Variants in RGCC observed in about 807,000 individuals in gnomAD.
RGCC encodes the protein regulator of cell cycle.
A neutral mutation model predicts 15.4 loss-of-function variants in RGCC; 15 were observed. The observed-to-expected ratio is 0.97, with a 90% confidence interval of 0.65 to 1.50. The LOEUF (loss-of-function observed/expected upper bound fraction) is 1.50, where lower values mean the gene tolerates loss of function less well. Ranked by LOEUF, RGCC falls within the 40% of genes most tolerant of loss-of-function variation. The pLI is 0.00. For missense variants in RGCC, 176 were observed against 189.7 expected, an observed-to-expected ratio of 0.93 and a Z score of 0.42; for synonymous variants, 81 against 78.0, an observed-to-expected ratio of 1.04 and a Z score of -0.20.
chr13:41,464,002 G>C (rs2043835109), intron 2 of RGCC: 1 of 152,926 alleles, frequency 6.5e-6, no homozygotes, highest in African/African-American at 2.4e-5. Flanking sequence ...GGGCAGAAGA[G>C]AGCTGAAGTT....
At chr13:41,466,105 T>C (rs565021518) in intron 2 of RGCC, among the ~76,000 whole-genome samples, 1 of 150,828 alleles carries the variant, frequency 6.6e-6, no homozygotes, top group African/African-American at 2.4e-5. Context: ...CACACTCACA[T>C]GCTCTCACAC....
intron 2 of RGCC, among the ~76,000 whole-genome samples, chr13:41,465,060 ACT>A (rs2043840710): frequency 6.6e-6 from 1 of 152,156 alleles, no homozygotes; most frequent in African/African-American, 2.4e-5. Context: ...TCTTCCGAAA[ACT>A]CTGATACTTT....
Position 41,470,638 on chromosome 13 carries a change from G to T in RGCC, c.*153G>T, listed in dbSNP as rs747865033. ...CACTCTCAGGCTCACCTTAAAATCA[G>T]CCCTTGATCCCATTTCTGGGCAATT... On this transcript the variant is annotated 3_prime_UTR_variant, in exon 5 of 5. Transcript: ENST00000379359. 4.8e-5 allele frequency: 35 copies of T among 735,942 alleles called. No individual in the cohort carries two copies. Among genetic ancestry groups the T allele is most frequent in the Non-Finnish European group, 7.5e-5 (32 of 426,368 alleles). 45.6% of individuals were successfully genotyped at this position (735,942 alleles called of 1,614,324 possible).
At chr13:41,464,817 G>T (rs2043839510) in intron 2 of RGCC, among the ~76,000 whole-genome samples, 1 of 152,182 alleles carries the variant, frequency 6.6e-6, no homozygotes, top group Admixed American at 6.5e-5. Context: ...GGTCATTTCA[G>T]GTGAGCTGGG....
chr13:41,468,813 T>G lies in RGCC; in HGVS notation c.381T>G (p.Ile127Met). 1 of 1,607,872 alleles carries G rather than the reference T, an allele frequency of 6.2e-7. No homozygotes were observed. The highest frequency in any genetic ancestry group is 8.5e-7 in the Non-Finnish European group (1 of 1,179,348). The part of the protein sequence containing the change: ...LGDTKELEAF[I>M]ADLDKTLASM ...ACACAAAAGAGCTAGAAGCCTTCAT[T>G]GCTGATCTTGACAAAACTTTAGCAA... Residue 127 changes from isoleucine (I) to methionine (M), a missense_variant, in exon 4 of 5, where the codon ATT (isoleucine) becomes ATG (methionine). Transcript: ENST00000379359.
At position 41,457,864 on chromosome 13, in the gene RGCC, C is replaced by T; in HGVS notation, c.49+108C>T. The T allele has an allele frequency of 7.5e-7, 1 of 1,325,214 alleles. No homozygotes were observed. The highest frequency in any genetic ancestry group is 9.7e-7 in the Non-Finnish European group (1 of 1,031,566). The allele number at this position is 1,325,214 out of a possible 1,614,324, so 82.1% of individuals were successfully genotyped here. ...CACACCCCCCACCCTTCCATCCTCC[C>T]CGGCGGGAACCTGTCCCCGGTCTTC... is the stretch of plus-strand genomic sequence containing the variant. On this transcript the variant is annotated intron_variant, in intron 1 of 4. Coordinates refer to ENST00000379359, the MANE Select transcript of RGCC (RefSeq NM_014059.3). The surrounding 1 kb of genome is among the most constrained non-coding windows in gnomAD (Gnocchi z 4.9).
rs778247311 is a variant in RGCC at position 41,458,344 on chromosome 13, G to A, written c.109G>A (p.Ala37Thr). 6.3e-7 allele frequency: 1 copy of A among 1,590,402 alleles called. No individual in the cohort carries two copies. The highest frequency in any genetic ancestry group is 1.3e-5 in the African/African-American group (1 of 74,826). The part of the protein sequence containing the change: ...DLSDALCEFD[A>T]VLADFASPFH... The stretch of plus-strand genomic sequence containing the variant: ...GTCGGACGCGCTGTGCGAGTTTGAC[G>A]CGGTGCTGGCCGACTTCGCGTCGCC... The change falls in exon 2 of 5, where the codon GCG becomes ACG. Residue 37 changes from alanine to threonine, a missense_variant. Physicochemically the swap from Ala to Thr is moderately conservative, Grantham distance 58. Coordinates refer to ENST00000379359, the MANE Select transcript of RGCC (RefSeq NM_014059.3). This position sits in a 1 kb window ranked among gnomAD's most constrained non-coding sequence, Gnocchi z 4.4.
At chr13:41,459,732 T>C (rs1221615873) in intron 2 of RGCC, among the ~76,000 whole-genome samples, 1 of 152,248 alleles carries the variant, frequency 6.6e-6, no homozygotes, top group Non-Finnish European at 1.5e-5. Flanking sequence ...CATTTTCAAT[T>C]TCAAAGCAAA....
intron 2 of RGCC, 85 bp from the exon 3 acceptor site, chr13:41,466,738 T>G: frequency 1.1e-6 from 1 of 951,256 alleles, no homozygotes; most frequent in Non-Finnish European, 1.7e-6. Flanking sequence ...TGAAGACAAA[T>G]TGTTGGTTAT....
intron 4 of RGCC, among the ~76,000 whole-genome samples, chr13:41,469,264 GTAATAATAATAA>G (rs767884291): frequency 0.02 from 2,714 of 136,548 alleles, 48 homozygotes; most frequent in South Asian, 0.076. Flanking sequence ...CGTCAAAATA[GTAATAATAATAA>G]TAATAATAAT....
chr13:41,457,560 CG>C lies in RGCC; in HGVS notation c.-146del, dbSNP rs1307193932. On this transcript the variant is annotated 5_prime_UTR_variant, in exon 1 of 5. Transcript: ENST00000379359. The surrounding 1 kb of genome is among the most constrained non-coding windows in gnomAD (Gnocchi z 4.9). ...ACCCGAGCCGGTGGTAGGGCGGGCG[CG>C]GACCGTGCTGGGAGCGGCGCGGCTG... is the stretch of plus-strand genomic sequence containing the variant. 1 of 1,324,046 alleles carries C rather than the reference CG, an allele frequency of 7.6e-7. No homozygotes were observed. The allele number at this position is 1,324,046 out of a possible 1,614,324, so 82.0% of individuals were successfully genotyped here.
chr13:41,466,053 G>C (rs1206602948), intron 2 of RGCC, among the ~76,000 whole-genome samples: 1 of 150,992 alleles, frequency 6.6e-6, no homozygotes, highest in Non-Finnish European at 1.5e-5. Context: ...TGGTATACTT[G>C]ATTTGACACA....
Position 41,458,410 on chromosome 13 carries a change from C to T in RGCC, c.175C>T (p.Arg59Cys). 6.2e-7 allele frequency: 1 copy of T among 1,601,100 alleles called. No individual in the cohort carries two copies. Among genetic ancestry groups the T allele is most frequent in the Middle Eastern group, 1.7e-4 (1 of 6,044 alleles). Reference protein sequence around the residue: ...RHFHYEEHLERMKRRSSASVS... With the variant: ...RHFHYEEHLECMKRRSSASVS... Reference sequence around the variant, plus strand: ...CTTCCACTACGAGGAGCACCTGGAGCGCATGAAGCGGCGCAGCAGCGCCAG... The same window carrying T: ...CTTCCACTACGAGGAGCACCTGGAGTGCATGAAGCGGCGCAGCAGCGCCAG... The change falls in exon 2 of 5, where the codon CGC (arginine) becomes TGC (cysteine). Residue 59 changes from arginine to cysteine, a missense_variant. Transcript: ENST00000379359. This position sits in a 1 kb window ranked among gnomAD's most constrained non-coding sequence, Gnocchi z 4.4.
Position 41,458,668 on chromosome 13 carries a change from C to G in RGCC, c.235+198C>G, listed in dbSNP as rs1185112236. ...CTGGAGGGCAGGTTGGTTCACTTGC[C>G]GCCCACGGGTGTGTCACCAGGCAGG... On this transcript the variant is annotated intron_variant, in intron 2 of 4. Transcript: ENST00000379359. The surrounding 1 kb of genome is among the most constrained non-coding windows in gnomAD (Gnocchi z 4.4). 1.3e-5 allele frequency among the ~76,000 whole-genome samples: 2 copies of G among 152,220 alleles called. No individual in the cohort carries two copies. The highest frequency in any genetic ancestry group is 1.3e-4 in the Admixed American group (2 of 15,286).
At chr13:41,460,443 G>A (rs2043815556) in intron 2 of RGCC, among the ~76,000 whole-genome samples, 2 of 152,332 alleles carry the variant, frequency 1.3e-5, no homozygotes, top group South Asian at 4.1e-4. Flanking sequence ...ACCAGGATAA[G>A]GATAATAACA....
chr13:41,468,739 T>A, intron 3 of RGCC, 37 bp from the exon 4 acceptor site: 1 of 680,170 alleles, frequency 1.5e-6, no homozygotes, highest in Non-Finnish European at 2.0e-6. Context: ...GAAACTGAAC[T>A]CTCTCTCTCT....
At chr13:41,467,437 C>T (rs2043854372) in intron 3 of RGCC, among the ~76,000 whole-genome samples, 1 of 152,234 alleles carries the variant, frequency 6.6e-6, no homozygotes, top group Non-Finnish European at 1.5e-5. Context: ...CCTGTCTCTA[C>T]TGTGGTATTA....
chr13:41,470,583 C>T lies in RGCC; in HGVS notation c.*98C>T, dbSNP rs556883708. ...TACTAGAATCTGCTGCCAGAGGGGA[C>T]AAAGACGTGCACTCAACCTTCTACC... On this transcript the variant is annotated 3_prime_UTR_variant, in exon 5 of 5. Coordinates refer to ENST00000379359, the MANE Select transcript of RGCC (RefSeq NM_014059.3). 8.3e-7 allele frequency: 1 copy of T among 1,198,250 alleles called. No individual in the cohort carries two copies. The highest frequency in any genetic ancestry group is 1.2e-5 in the South Asian group (1 of 82,152). 74.2% of individuals were successfully genotyped at this position (1,198,250 alleles called of 1,614,324 possible).
chr13:41,465,191 G>A lies in RGCC; in HGVS notation c.236-1632G>A, dbSNP rs542196055. 2.0e-5 allele frequency among the ~76,000 whole-genome samples: 3 copies of A among 152,306 alleles called. No homozygotes were observed. In the East Asian group the frequency reaches 5.8e-4, roughly 29 times the overall value. On this transcript the variant is annotated intron_variant, in intron 2 of 4. Transcript: ENST00000379359. ...AGTTGGCTTAAAGTGGAAGAATCCCGAGGAGGCGGGGACCTGGTAAGGCCC... is the reference window on the plus strand; with the variant it reads ...AGTTGGCTTAAAGTGGAAGAATCCCAAGGAGGCGGGGACCTGGTAAGGCCC...
Sources: gnomAD v4.1 joint callset for allele counts (sites outside exome capture counted in the v4.1 genomes callset) on GRCh38, gnomAD v4.1.1 for gene constraint, Gnocchi (gnomAD v3.1) non-coding constraint, MANE v1.5 for transcripts, NCBI Gene and HGNC (gene_info 2026-07-23, HGNC 2026-07-21) for gene names.